TBC1D30: variants seen among roughly 807,000 people sequenced by gnomAD.
The protein encoded by TBC1D30 is TBC1 domain family, member 30.
A neutral mutation model predicts 63.2 loss-of-function variants in TBC1D30; 31 were observed. The observed-to-expected ratio is 0.49, with a 90% CI of 0.37 to 0.66. The LOEUF (loss-of-function observed/expected upper bound fraction) is 0.66, where lower values mean the gene tolerates loss of function less well. Ranked by LOEUF, TBC1D30 falls within the 30% of genes least tolerant of loss-of-function variation. The pLI, the probability that TBC1D30 is intolerant of heterozygous loss-of-function variation, is 0.00. For missense variants in TBC1D30, 810 were observed against 953.6 expected (o/e 0.85, Z 1.98); for synonymous variants, 307 against 361.5 (o/e 0.85, Z 1.71).
chr12:64,798,972 C>T (rs1872445288), intron 2 of TBC1D30, among the ~76,000 whole-genome samples: 1 of 151,972 alleles, frequency 6.6e-6, no homozygotes, highest in Non-Finnish European at 1.5e-5. Context: ...ACCACCATGC[C>T]CAGCTAATTT....
intron 9 of TBC1D30, 47 bp downstream of exon 9, chr12:64,864,827 A>G (rs1483363293): frequency 7.8e-7 from 1 of 1,274,710 alleles, no homozygotes; most frequent in Non-Finnish European, 1.1e-6. Context: ...AGGACTTAAT[A>G]TCTTAATTTG....
At chr12:64,812,609 G>T (rs191756610) in intron 2 of TBC1D30, among the ~76,000 whole-genome samples, 1 of 152,124 alleles carries the variant, frequency 6.6e-6, no homozygotes, top group Non-Finnish European at 1.5e-5. Context: ...TTTCATAAAT[G>T]ATGGACTGCA....
rs896978240 is a variant in TBC1D30 at position 64,875,987 on chromosome 12, A to T, written c.*199A>T. Reference sequence around the variant, plus strand: ...TGTTTTCCCAGCTACTTGCTAACTGACGAAGTGGATTCTTGTGGCAAAATA... The same window carrying T: ...TGTTTTCCCAGCTACTTGCTAACTGTCGAAGTGGATTCTTGTGGCAAAATA... On this transcript the variant is annotated 3_prime_UTR_variant, in exon 12 of 12. Transcript: ENST00000539867. 1 of 527,396 alleles carries T rather than the reference A, an allele frequency of 1.9e-6. No homozygotes were observed. The highest frequency in any genetic ancestry group is 3.2e-6 in the Non-Finnish European group (1 of 311,488). 32.7% of individuals were successfully genotyped at this position (527,396 alleles called of 1,614,324 possible).
chr12:64,876,999 A>G lies in TBC1D30; in HGVS notation c.*1211A>G, dbSNP rs1879136912. ...TCCTTCAGTGCAATAGGTGGGTTTA[A>G]TGCTCTTTGTACACAGATGTATTGG... On this transcript the variant is annotated 3_prime_UTR_variant, in exon 12 of 12. Transcript: ENST00000539867. 2.3e-6 allele frequency: 1 copy of G among 444,080 alleles called. No homozygotes were observed. The highest frequency in any genetic ancestry group is 2.4e-5 in the Admixed American group (1 of 42,166). 27.5% of individuals were successfully genotyped at this position (444,080 alleles called of 1,614,324 possible).
chr12:64,880,438 T>TG lies in TBC1D30; in HGVS notation c.*4652dup, dbSNP rs1879389108. ...TCAAAGATCAACGTGTCTGCAAATT[T>TG]GGTATCTGGTGAGGAAGGGCCCTCT... On this transcript the variant is annotated 3_prime_UTR_variant, in exon 12 of 12. Transcript: ENST00000539867. 1 of 152,304 alleles carries TG rather than the reference T, an allele frequency of 6.6e-6. No homozygotes were observed. The highest frequency in any genetic ancestry group is 2.4e-5 in the African/African-American group (1 of 41,468). The allele number at this position is 152,304 out of a possible 1,614,324, so 9.4% of individuals were successfully genotyped here.
chr12:64,858,232 A>G (rs1877475639), intron 8 of TBC1D30, among the ~76,000 whole-genome samples: 1 of 152,216 alleles, frequency 6.6e-6, no homozygotes, highest in Admixed American at 6.5e-5. Flanking sequence ...TTAAACAAAC[A>G]TTTATTGAGA....
chr12:64,805,724 T>C (rs1872829006), intron 2 of TBC1D30, among the ~76,000 whole-genome samples: 1 of 152,008 alleles, frequency 6.6e-6, no homozygotes, highest in Admixed American at 6.6e-5. Context: ...TCCCAGCTAC[T>C]TGGGAGGTGG....
At chr12:64,788,195 GT>G (rs1389606831) in intron 2 of TBC1D30, among the ~76,000 whole-genome samples, 3 of 130,428 alleles carry the variant, frequency 2.3e-5, no homozygotes, top group African/African-American at 1.1e-4. Context: ...GTGTAGGGGT[GT>G]GTGTGTGTGT....
intron 5 of TBC1D30, among the ~76,000 whole-genome samples, chr12:64,833,414 G>T (rs1875045095): frequency 6.6e-6 from 1 of 152,172 alleles, no homozygotes; most frequent in Admixed American, 6.5e-5. Flanking sequence ...ATGCCTATTT[G>T]CTTAAGGCAA....
At chr12:64,845,069 C>T (rs868635034) in intron 8 of TBC1D30, among the ~76,000 whole-genome samples, 1 of 152,130 alleles carries the variant, frequency 6.6e-6, no homozygotes, top group African/African-American at 2.4e-5. Context: ...AACAGTGCTG[C>T]GAGAAACATG....
chr12:64,780,757 C>T lies in TBC1D30; in HGVS notation c.-52C>T, dbSNP rs979768556. The T allele has an allele frequency of 3.3e-5, 33 of 987,982 alleles. No homozygotes were observed. The African/African-American group carries it at 5.6e-4, about 17-fold the overall frequency. 61.2% of individuals were successfully genotyped at this position (987,982 alleles called of 1,614,324 possible). On this transcript the variant is annotated 5_prime_UTR_variant, in exon 1 of 13. Transcript: ENST00000542120. ...CGCGCCTCCTCCCGGAACTGGCCGG[C>T]GCCGCGAGGCGGGAGGAGCAGCGGG...
At chr12:64,801,316 T>TTG (rs150300758) in intron 2 of TBC1D30, among the ~76,000 whole-genome samples, 88 of 151,752 alleles carry the variant, frequency 5.8e-4, no homozygotes, top group African/African-American at 2.0e-3. Context: ...GGATCAAAGT[T>TTG]TGTGTGTGTG....
intron 8 of TBC1D30, among the ~76,000 whole-genome samples, chr12:64,861,505 C>A (rs1221793240): frequency 1.3e-5 from 2 of 152,306 alleles, no homozygotes; most frequent in East Asian, 3.9e-4. Flanking sequence ...AAAGCATTCT[C>A]CCCTTTCAGT....
intron 8 of TBC1D30, among the ~76,000 whole-genome samples, chr12:64,851,119 T>C (rs1249283675): frequency 1.3e-5 from 2 of 152,178 alleles, no homozygotes; most frequent in Non-Finnish European, 2.9e-5. Flanking sequence ...TGATGATATT[T>C]CCTGTATCAT....
chr12:64,798,411 T>C (rs1331583312), intron 2 of TBC1D30, among the ~76,000 whole-genome samples: 1 of 152,216 alleles, frequency 6.6e-6, no homozygotes, highest in East Asian at 1.9e-4. Context: ...CTGTACCAGG[T>C]TTCAGCTTGA....
chr12:64,856,134 TAGCC>T (rs1592643881), intron 8 of TBC1D30, among the ~76,000 whole-genome samples: 1 of 147,154 alleles, frequency 6.8e-6, no homozygotes, highest in East Asian at 2.0e-4. Flanking sequence ...ACATGTCACA[TAGCC>T]AGAGCAGGAG....
chr12:64,878,867 C>G lies in TBC1D30; in HGVS notation c.*3079C>G. Reference sequence around the variant, plus strand: ...GAATATGAGTAAGCACAGAGTTTACCTAGAGAGTTTACCTAAAATTAACCT... The same window carrying G: ...GAATATGAGTAAGCACAGAGTTTACGTAGAGAGTTTACCTAAAATTAACCT... On this transcript the variant is annotated 3_prime_UTR_variant, in exon 12 of 12. Transcript: ENST00000539867. 1 of 184,542 alleles carries G rather than the reference C, an allele frequency of 5.4e-6. No homozygotes were observed. Among genetic ancestry groups the G allele is most frequent in the East Asian group, 1.3e-4 (1 of 7,476 alleles). 11.4% of individuals were successfully genotyped at this position (184,542 alleles called of 1,614,324 possible).
chr12:64,861,671 T>A (rs1877802873), intron 8 of TBC1D30, among the ~76,000 whole-genome samples: 1 of 152,208 alleles, frequency 6.6e-6, no homozygotes, highest in Admixed American at 6.5e-5. Context: ...GAATGCTGAT[T>A]ACATAATGTA....
intron 1 of TBC1D30, among the ~76,000 whole-genome samples, chr12:64,775,472 G>C (rs1871049506): frequency 6.6e-6 from 1 of 152,030 alleles, no homozygotes; most frequent in Non-Finnish European, 1.5e-5. Flanking sequence ...AAAAGCAGGG[G>C]TTGCAATCCT....
Sources: gnomAD v4.1 joint callset for allele counts (sites outside exome capture counted in the v4.1 genomes callset) on GRCh38, gnomAD v4.1.1 for gene constraint, MANE v1.5 for transcripts, NCBI Gene and HGNC (gene_info 2026-07-23, HGNC 2026-07-21) for gene names.